Variants in DGKB observed in about 807,000 individuals in gnomAD.
The protein encoded by DGKB is diacylglycerol kinase beta, also known as 90 kDa diacylglycerol kinase.
In DGKB, 67 loss-of-function variants were observed where a neutral mutation model predicts 114.3. The observed-to-expected ratio is 0.59, with a 90% CI of 0.48 to 0.72. The LOEUF (loss-of-function observed/expected upper bound fraction) is 0.72, where lower values mean the gene tolerates loss of function less well. Among genes scored for constraint, DGKB ranks in the 30% least tolerant of loss-of-function variants. DGKB has a pLI of 0.00. For synonymous variants in DGKB, 398 were observed against 323.1 expected, an observed-to-expected ratio of 1.23 and a Z score of -2.49; for missense variants, 907 against 975.2, an observed-to-expected ratio of 0.93 and a Z score of 0.93.
intron 20 of DGKB, among the ~76,000 whole-genome samples, chr7:14,562,112 CCA>C (rs1479664409): frequency 6.6e-6 from 1 of 152,168 alleles, no homozygotes; most frequent in East Asian, 1.9e-4. Context: ...GAATGTGGTT[CCA>C]GAGGGTGCAA....
chr7:14,591,695 A>C (rs936851708), intron 17 of DGKB, among the ~76,000 whole-genome samples: 1 of 152,090 alleles, frequency 6.6e-6, no homozygotes, highest in African/African-American at 2.4e-5. Context: ...AAGAATGTAG[A>C]TCTAATGTTA....
chr7:14,633,280 A>G (rs999414625), intron 13 of DGKB, among the ~76,000 whole-genome samples: 1 of 151,922 alleles, frequency 6.6e-6, no homozygotes, highest in African/African-American at 2.4e-5. Flanking sequence ...TAGCAGGATC[A>G]ACCAAAACTG....
At chr7:14,819,324 C>G (rs1359005706) in intron 2 of DGKB, among the ~76,000 whole-genome samples, 2 of 152,028 alleles carry the variant, frequency 1.3e-5, no homozygotes, top group African/African-American at 4.8e-5. Context: ...TGGTGGCTCA[C>G]GACTGTAATC....
upstream of DGKB, chr7:14,903,450 G>A (rs892082607): frequency 6.6e-6 from 1 of 152,418 alleles, no homozygotes. Context: ...AGGCTGTTGA[G>A]ACAGTGAGCT....
Position 14,391,146 on chromosome 7 carries a change from C to T in DGKB, c.1836-45755G>A, listed in dbSNP as rs142810720. ...TTTTGTGATTAAATAATAACTTTACCGATTATTAATGCCACATTAAATTCA... is the reference window on the plus strand; with the variant it reads ...TTTTGTGATTAAATAATAACTTTACTGATTATTAATGCCACATTAAATTCA... On this transcript the variant is annotated intron_variant, in intron 21 of 25. Coordinates refer to ENST00000402815, the MANE Select transcript of DGKB (RefSeq NM_001350709.2). 2.4e-3 allele frequency among the ~76,000 whole-genome samples: 368 copies of T among 152,090 alleles called. 1 individual carries two copies. The highest frequency in any genetic ancestry group is 7.8e-3 in the African/African-American group (324 of 41,480).
chr7:14,859,953 G>A (rs1032164981), intron 1 of DGKB, among the ~76,000 whole-genome samples: 1 of 151,996 alleles, frequency 6.6e-6, no homozygotes, highest in Non-Finnish European at 1.5e-5. Flanking sequence ...AAAAAGTTAG[G>A]CAATATGACC....
At chr7:14,357,458 C>T (rs1460838837) in intron 21 of DGKB, among the ~76,000 whole-genome samples, 2 of 152,256 alleles carry the variant, frequency 1.3e-5, no homozygotes, top group Admixed American at 6.5e-5. Context: ...GGTAGATCTT[C>T]CTCCATCCCT....
intron 23 of DGKB, among the ~76,000 whole-genome samples, chr7:14,193,965 A>G (rs756799444): frequency 6.6e-6 from 1 of 152,196 alleles, no homozygotes; most frequent in African/African-American, 2.4e-5. Context: ...ACCACTAATC[A>G]TAAAGGAAAT....
chr7:14,593,242 C>T (rs112772299), intron 17 of DGKB, among the ~76,000 whole-genome samples: 5 of 152,008 alleles, frequency 3.3e-5, no homozygotes, highest in African/African-American at 1.2e-4. Flanking sequence ...AAAACACAGA[C>T]TGAAATGACA....
At chr7:14,461,742 C>A (rs2128870142) in intron 21 of DGKB, among the ~76,000 whole-genome samples, 2 of 152,154 alleles carry the variant, frequency 1.3e-5, no homozygotes, top group East Asian at 3.9e-4. Context: ...GGACTCCTCC[C>A]TAACTCATTT....
chr7:14,212,595 A>G (rs556339077), intron 23 of DGKB, among the ~76,000 whole-genome samples: 35 of 152,228 alleles, frequency 2.3e-4, no homozygotes, highest in African/African-American at 7.5e-4. Context: ...TCATTCACCA[A>G]TACGGCTTCA....
In DGKB at chr7:14,919,635, C is replaced by T. The variant is rs1266522936; in HGVS notation, c.-188+55061G>A. Among the ~76,000 whole-genome samples the T allele has an allele frequency of 2.6e-5, 4 of 152,118 alleles. No individual in the cohort carries two copies. The East Asian group carries it at 7.7e-4, about 29-fold the overall frequency. ...TTCAACAGACAAAAAGATAAGTAAA[C>T]TATGGTACATCTCTAAAATGAAATA... On this transcript the variant is annotated intron_variant, in intron 1 of 4. Coordinates refer to the DGKB transcript ENST00000437998.
chr7:14,772,946 GC>G (rs1562497656), intron 2 of DGKB, among the ~76,000 whole-genome samples: 2 of 147,902 alleles, frequency 1.4e-5, no homozygotes, highest in African/African-American at 5.2e-5. Flanking sequence ...TCTTTTCACC[GC>G]TGTACCTCAA....
chr7:14,156,798 G>GT (rs1463310229), intron 25 of DGKB, among the ~76,000 whole-genome samples: 1 of 152,062 alleles, frequency 6.6e-6, no homozygotes, highest in Non-Finnish European at 1.5e-5. Context: ...TTTCTTTGGC[G>GT]TATCTTTATT....
intron 13 of DGKB, among the ~76,000 whole-genome samples, chr7:14,650,933 C>G (rs1489884419): frequency 1.3e-5 from 2 of 152,020 alleles, no homozygotes; most frequent in Non-Finnish European, 2.9e-5. Context: ...TACACTCTCC[C>G]AAGACTAAAC....
chr7:14,178,273 G>C lies in DGKB; in HGVS notation c.2123-122C>G, dbSNP rs1317708890. Reference sequence around the variant, plus strand: ...CACTTCACAAAGAAAGCTTGTCTTAGAAACTTAAAGTAATAAAAAGATGGC... The same window carrying C: ...CACTTCACAAAGAAAGCTTGTCTTACAAACTTAAAGTAATAAAAAGATGGC... On this transcript the variant is annotated intron_variant, in intron 23 of 25. Transcript: ENST00000402815. The C allele has an allele frequency of 7.7e-6, 8 of 1,036,962 alleles. No individual in the cohort carries two copies. In the East Asian group the frequency reaches 2.2e-4, roughly 28 times the overall value. The allele number at this position is 1,036,962 out of a possible 1,614,324, so 64.2% of individuals were successfully genotyped here.
At chr7:14,389,369 G>T (rs570084634) in intron 21 of DGKB, among the ~76,000 whole-genome samples, 1 of 152,288 alleles carries the variant, frequency 6.6e-6, no homozygotes, top group Admixed American at 6.5e-5. Context: ...AATTCAGTCA[G>T]GCGATTAAAT....
At chr7:14,370,746 G>C (rs1817495435) in intron 21 of DGKB, among the ~76,000 whole-genome samples, 1 of 152,104 alleles carries the variant, frequency 6.6e-6, no homozygotes, top group African/African-American at 2.4e-5. Flanking sequence ...GCTGAAGTTT[G>C]AGATAAAAAT....
At chr7:14,837,391 G>T (rs1426383670) in intron 2 of DGKB, among the ~76,000 whole-genome samples, 1 of 152,116 alleles carries the variant, frequency 6.6e-6, no homozygotes, top group Non-Finnish European at 1.5e-5. Context: ...GTCCAACATT[G>T]AATGATTTGG....
Sources: allele counts gnomAD v4.1 joint callset (sites outside exome capture counted in the v4.1 genomes callset), GRCh38; gene constraint gnomAD v4.1.1; transcripts MANE v1.5; gene names NCBI Gene and HGNC (gene_info 2026-07-23, HGNC 2026-07-21).